Variants in GCA observed in about 807,000 individuals in gnomAD.
GCA encodes grancalcin, EF-hand calcium-binding protein.
GCA carries 30 observed loss-of-function variants against 32.6 expected under a neutral mutation model. The ratio of observed to expected loss-of-function variants is 0.92; its 90% CI spans 0.69 to 1.25. The LOEUF (loss-of-function observed/expected upper bound fraction) is 1.25, where lower values mean the gene tolerates loss of function less well. Ranked by LOEUF, GCA falls within the 50% of genes most tolerant of loss-of-function variation. The probability of loss-of-function intolerance (pLI) is 0.00; values close to 1 mark genes in which losing one functional copy is unlikely to be tolerated. For missense variants in GCA, 291 were observed against 266.8 expected (o/e 1.09, Z -0.63); for synonymous variants, 102 against 84.6 (o/e 1.21, Z -1.13).
intron 3 of GCA, among the ~76,000 whole-genome samples, chr2:162,355,191 A>G (rs1045831283): frequency 1.3e-5 from 2 of 152,094 alleles, no homozygotes; most frequent in African/African-American, 2.4e-5. Context: ...CTTTTTTACA[A>G]TTGGAACTAT....
chr2:162,339,541 A>G (rs573919694), upstream of GCA, among the ~76,000 whole-genome samples: 1 of 152,200 alleles, frequency 6.6e-6, no homozygotes, highest in Non-Finnish European at 1.5e-5. Flanking sequence ...CCAAATTTGC[A>G]TGCTGCAACC....
chr2:162,339,769 C>T (rs1684380342), upstream of GCA, among the ~76,000 whole-genome samples: 1 of 152,180 alleles, frequency 6.6e-6, no homozygotes, highest in African/African-American at 2.4e-5. Flanking sequence ...AGAGGCCTCA[C>T]CAGGCACTGA....
chr2:162,342,379 T>G (rs564815573), upstream of GCA, among the ~76,000 whole-genome samples: 1 of 152,354 alleles, frequency 6.6e-6, no homozygotes, highest in South Asian at 2.1e-4. Flanking sequence ...GTGAGATTCC[T>G]GAGTCTGAGA....
At chr2:162,348,981 T>G (rs1684851614) in intron 2 of GCA, among the ~76,000 whole-genome samples, 1 of 151,690 alleles carries the variant, frequency 6.6e-6, no homozygotes, top group Admixed American at 6.6e-5. Flanking sequence ...TTCCTAAAGG[T>G]TTCTTTTTCT....
At chr2:162,349,330 G>A (rs1189009077) in intron 2 of GCA, among the ~76,000 whole-genome samples, 1 of 151,478 alleles carries the variant, frequency 6.6e-6, no homozygotes, top group Non-Finnish European at 1.5e-5. Context: ...TGAAAAGAGG[G>A]TGTATTGATG....
intron 1 of GCA, among the ~76,000 whole-genome samples, chr2:162,321,417 C>A (rs1683660207): frequency 6.6e-6 from 1 of 152,094 alleles, no homozygotes; most frequent in Non-Finnish European, 1.5e-5. Context: ...AATTTAACGA[C>A]CATGCATAGC....
At chr2:162,358,929 A>C in intron 5 of GCA, 115 bp from the exon 6 acceptor site, 1 of 548,096 alleles carries the variant, frequency 1.8e-6, no homozygotes, top group Non-Finnish European at 3.2e-6. Context: ...TTTTGTTTCT[A>C]ATTATATTTT....
chr2:162,325,227 G>A (rs866820540), intron 1 of GCA, among the ~76,000 whole-genome samples: 6 of 152,122 alleles, frequency 3.9e-5, no homozygotes, highest in African/African-American at 1.4e-4. Flanking sequence ...CAATTAACAG[G>A]TGCACCCTGG....
chr2:162,329,117 G>A (rs1200285064), intron 1 of GCA, among the ~76,000 whole-genome samples: 1 of 151,740 alleles, frequency 6.6e-6, no homozygotes, highest in East Asian at 1.9e-4. Context: ...TTTTTTATAG[G>A]CACAGGATGG....
intron 1 of GCA, among the ~76,000 whole-genome samples, chr2:162,337,103 T>G (rs1474451196): frequency 1.3e-5 from 2 of 152,210 alleles, no homozygotes; most frequent in East Asian, 3.8e-4. Flanking sequence ...CTTCTCTACA[T>G]TGCTCTGTGC....
Position 162,352,378 on chromosome 2 carries a change from C to A in GCA, c.233C>A (p.Thr78Lys), listed in dbSNP as rs1156325552. 5.0e-6 allele frequency: 8 copies of A among 1,593,482 alleles called. No individual in the cohort carries two copies. Among genetic ancestry groups the A allele is most frequent in the Non-Finnish European group, 6.0e-6 (7 of 1,161,400 alleles). Residue 78 changes from threonine to lysine, a missense_variant, in exon 3 of 8, where the codon ACA (threonine) becomes AAA (lysine). Physicochemically the swap from Thr to Lys is moderately conservative, Grantham distance 78. Coordinates refer to ENST00000437150, the MANE Select transcript of GCA (RefSeq NM_012198.5). ...VDAEELQRCLTQSGINGTYSP... is the reference protein window; with the variant it reads ...VDAEELQRCLKQSGINGTYSP... ...GCTGAAGAACTTCAGAGATGTTTGA[C>A]ACAGTCTGGAATTAATGGAACTTAC...
intron 1 of GCA, among the ~76,000 whole-genome samples, chr2:162,322,482 G>C (rs1683709306): frequency 6.6e-6 from 1 of 150,846 alleles, no homozygotes; most frequent in South Asian, 2.1e-4. Context: ...ATGTATACAT[G>C]TGTCATGCTG....
intron 5 of GCA, among the ~76,000 whole-genome samples, chr2:162,357,717 AATTATAG>A (rs1406447704): frequency 1.3e-5 from 2 of 151,688 alleles, no homozygotes; most frequent in African/African-American, 4.8e-5. Context: ...TATGTAGTTC[AATTATAG>A]ATCCTTAATA....
chr2:162,350,133 G>T (rs1684917640), intron 2 of GCA, among the ~76,000 whole-genome samples: 1 of 152,144 alleles, frequency 6.6e-6, no homozygotes, highest in African/African-American at 2.4e-5. Flanking sequence ...ATGTGCCGTA[G>T]GACTGACCAT....
chr2:162,328,120 C>T (rs1450325966), intron 1 of GCA, among the ~76,000 whole-genome samples: 1 of 151,456 alleles, frequency 6.6e-6, no homozygotes, highest in Non-Finnish European at 1.5e-5. Context: ...TGGAGGGAGT[C>T]CGGACACACC....
chr2:162,331,589 G>A (rs1239683564), intron 1 of GCA, among the ~76,000 whole-genome samples: 1 of 152,188 alleles, frequency 6.6e-6, no homozygotes. Context: ...GACCCACTAT[G>A]TCAAGAAATA....
chr2:162,341,510 C>T (rs985751501), upstream of GCA, among the ~76,000 whole-genome samples: 5 of 151,650 alleles, frequency 3.3e-5, no homozygotes, highest in African/African-American at 9.7e-5. Flanking sequence ...CCAATGCCAC[C>T]AAGATTCAGA....
downstream of GCA, among the ~76,000 whole-genome samples, chr2:162,372,376 A>G (rs73014825): frequency 4.5e-3 from 682 of 152,268 alleles, 4 homozygotes; most frequent in African/African-American, 0.015. Context: ...TGAGTTTTCC[A>G]GATGAATTAA....
intron 1 of GCA, chr2:162,319,381 C>G: frequency 3.1e-6 from 1 of 324,538 alleles, no homozygotes; most frequent in East Asian, 8.1e-5. Context: ...CTTAAAGTTT[C>G]CTAGATCCCA....
Sources: gnomAD v4.1 joint callset for allele counts (sites outside exome capture counted in the v4.1 genomes callset) on GRCh38, gnomAD v4.1.1 for gene constraint, MANE v1.5 for transcripts, NCBI Gene and HGNC (gene_info 2026-07-23, HGNC 2026-07-21) for gene names.